RASGRF2: variants seen among roughly 807,000 people sequenced by gnomAD.
RASGRF2 encodes the protein Ras protein specific guanine nucleotide releasing factor 2.
In RASGRF2, 76 loss-of-function variants were observed where a neutral mutation model predicts 151.0. The observed-to-expected ratio is 0.50, with a 90% CI of 0.42 to 0.61. RASGRF2 has a LOEUF of 0.61. Ranked by LOEUF, RASGRF2 falls within the 20% of genes least tolerant of loss-of-function variation. RASGRF2 has a pLI of 0.00. For missense variants in RASGRF2, 1,148 were observed against 1,564.6 expected (o/e 0.73, Z 4.49); for synonymous variants, 504 against 566.5 (o/e 0.89, Z 1.57).
rs529333616 is a variant in RASGRF2, at chr5:80,994,323, A to G, written c.288+33297A>G. Among the ~76,000 whole-genome samples the G allele has an allele frequency of 5.2e-4, 74 of 143,184 alleles. 1 individual carries two copies. In the South Asian group the frequency reaches 0.015, roughly 30 times the overall value. 93.9% of individuals were successfully genotyped at this position (143,184 alleles called of 152,430 possible). A position where few individuals can be genotyped will look rare whatever the true frequency, so the allele number is the denominator to read the frequency against. ...CGAGCTTGCAGTGAGCCGAGATTGC[A>G]CCACTGCACTCCAGCCTGGGCGACA... On this transcript the variant is annotated intron_variant, in intron 1 of 26. Transcript: ENST00000265080.
chr5:81,116,330 G>A lies in RASGRF2; in HGVS notation c.2470+2410G>A, dbSNP rs187892641. 3.3e-4 allele frequency among the ~76,000 whole-genome samples: 50 copies of A among 152,024 alleles called. No homozygotes were observed. The South Asian group carries it at 4.6e-3, about 14-fold the overall frequency. ...ACTTCTGACCTCAGGTGTTCCACCC[G>A]CCTCAGCCTCCCAAAGTGCTGGGAT... is the stretch of plus-strand genomic sequence containing the variant. On this transcript the variant is annotated intron_variant, in intron 15 of 26. Coordinates refer to ENST00000265080, the MANE Select transcript of RASGRF2 (RefSeq NM_006909.3).
chr5:81,171,101 A>G lies in RASGRF2; in HGVS notation c.2687-9074A>G, dbSNP rs759850414. On this transcript the variant is annotated intron_variant, in intron 17 of 26. Coordinates refer to ENST00000265080, the MANE Select transcript of RASGRF2 (RefSeq NM_006909.3). ...TCCTCCCTTATTAACCATCTCTAAAATTATCTAATTTGGCTTCTTTGGAAC... is the reference window on the plus strand; with the variant it reads ...TCCTCCCTTATTAACCATCTCTAAAGTTATCTAATTTGGCTTCTTTGGAAC... 5.5e-4 allele frequency among the ~76,000 whole-genome samples: 83 copies of G among 152,146 alleles called. 1 individual carries two copies. Among genetic ancestry groups the G allele is most frequent in the Admixed American group, 6.6e-4 (10 of 15,262 alleles).
chr5:81,113,076 T>C (rs1388718935), intron 14 of RASGRF2, among the ~76,000 whole-genome samples: 1 of 152,236 alleles, frequency 6.6e-6, no homozygotes, highest in Non-Finnish European at 1.5e-5. Context: ...AGTTGGCCTT[T>C]GCTTGTTCTG....
At chr5:81,000,950 A>C (rs1303051054) in intron 1 of RASGRF2, among the ~76,000 whole-genome samples, 4 of 152,242 alleles carry the variant, frequency 2.6e-5, no homozygotes, top group Admixed American at 2.0e-4. Context: ...AGGATGATGA[A>C]TTGTTGCATT....
At chr5:81,039,605 A>T (rs1302163306) in intron 1 of RASGRF2, among the ~76,000 whole-genome samples, 1 of 152,198 alleles carries the variant, frequency 6.6e-6, no homozygotes, top group Admixed American at 6.5e-5. Flanking sequence ...TCAAAAAAGA[A>T]AAAACAATAT....
intron 2 of RASGRF2, among the ~76,000 whole-genome samples, chr5:81,052,571 A>G (rs1751047148): frequency 6.6e-6 from 1 of 152,180 alleles, no homozygotes; most frequent in Non-Finnish European, 1.5e-5. Context: ...AGAGTCTGTC[A>G]GTAGAGAGAA....
intron 17 of RASGRF2, among the ~76,000 whole-genome samples, chr5:81,166,426 G>A (rs1236254484): frequency 6.6e-6 from 1 of 152,120 alleles, no homozygotes; most frequent in Non-Finnish European, 1.5e-5. Context: ...GACCTCAGGA[G>A]ATCCACCCAC....
intron 1 of RASGRF2, among the ~76,000 whole-genome samples, chr5:80,967,504 A>G (rs541154746): frequency 1.3e-5 from 2 of 152,342 alleles, no homozygotes; most frequent in South Asian, 2.1e-4. Flanking sequence ...GATACTTACC[A>G]GTATGACATT....
At chr5:81,011,706 A>G (rs910253487) in intron 1 of RASGRF2, among the ~76,000 whole-genome samples, 1 of 151,504 alleles carries the variant, frequency 6.6e-6, no homozygotes, top group South Asian at 2.1e-4. Context: ...GAGCCATTGC[A>G]CTCCAGCCTG....
At chr5:81,188,607 T>TA (rs967214886) in intron 18 of RASGRF2, among the ~76,000 whole-genome samples, 7 of 151,488 alleles carry the variant, frequency 4.6e-5, no homozygotes, top group East Asian at 3.9e-4. Context: ...AAACCCAATT[T>TA]AAAAAAAAAT....
intron 1 of RASGRF2, among the ~76,000 whole-genome samples, chr5:81,000,382 C>T (rs1490573431): frequency 2.0e-5 from 3 of 152,188 alleles, no homozygotes; most frequent in African/African-American, 7.2e-5. Flanking sequence ...GTTAGGATTA[C>T]AGGTGCCTAC....
chr5:80,964,520 C>T (rs1460630863), intron 1 of RASGRF2, among the ~76,000 whole-genome samples: 2 of 151,976 alleles, frequency 1.3e-5, no homozygotes, highest in Non-Finnish European at 1.5e-5. Context: ...ATTGCTAACA[C>T]TGAAACTCAA....
chr5:81,225,814 C>T lies in RASGRF2; in HGVS notation c.*44C>T. On this transcript the variant is annotated 3_prime_UTR_variant, in exon 27 of 27. Transcript: ENST00000265080. ...GAGTCCACGGGATGTTCATGGAAAG[C>T]AGGACAGACAGAATTGTGTATGCCT... 6.9e-6 allele frequency: 11 copies of T among 1,592,092 alleles called. No homozygotes were observed. Among genetic ancestry groups the T allele is most frequent in the Non-Finnish European group, 9.4e-6 (11 of 1,170,822 alleles).
chr5:81,104,657 A>G (rs2112526886), intron 12 of RASGRF2, among the ~76,000 whole-genome samples: 1 of 152,286 alleles, frequency 6.6e-6, no homozygotes, highest in East Asian at 1.9e-4. Flanking sequence ...CTCAAATTTT[A>G]TGCAGTATTC....
chr5:81,019,532 T>A (rs1749760345), intron 1 of RASGRF2: 1 of 152,182 alleles, frequency 6.6e-6, no homozygotes, highest in Non-Finnish European at 1.5e-5. Flanking sequence ...CAGAGAGGGC[T>A]GGAGTATCTG....
intron 12 of RASGRF2, among the ~76,000 whole-genome samples, chr5:81,095,388 G>A (rs1413763007): frequency 6.6e-6 from 1 of 152,134 alleles, no homozygotes; most frequent in Non-Finnish European, 1.5e-5. Context: ...TAGGGCTATG[G>A]CAGGAAATCA....
intron 1 of RASGRF2, among the ~76,000 whole-genome samples, chr5:80,979,774 T>G (rs1440611528): frequency 6.6e-6 from 1 of 152,208 alleles, no homozygotes; most frequent in Non-Finnish European, 1.5e-5. Flanking sequence ...TTATAATAAT[T>G]AAATTTAAGG....
intron 14 of RASGRF2, among the ~76,000 whole-genome samples, chr5:81,113,232 G>A (rs1753050972): frequency 6.6e-6 from 1 of 151,382 alleles, no homozygotes; most frequent in Admixed American, 6.6e-5. Context: ...TTGTTAAATT[G>A]CTGGCTCTGA....
At chr5:81,060,450 G>GCC (rs5869071) in intron 2 of RASGRF2, among the ~76,000 whole-genome samples, 116 of 151,296 alleles carry the variant, frequency 7.7e-4, no homozygotes, top group African/African-American at 2.6e-3. Flanking sequence ...TGTAACCTCT[G>GCC]CCCCCCTACT....
Sources: gnomAD v4.1 joint callset for allele counts (sites outside exome capture counted in the v4.1 genomes callset) on GRCh38, gnomAD v4.1.1 for gene constraint, MANE v1.5 for transcripts, NCBI Gene and HGNC (gene_info 2026-07-23, HGNC 2026-07-21) for gene names.